The following TGFBRAP1 variants were observed in gnomAD, a reference collection of about 807,000 sequenced individuals.
TGFBRAP1 encodes the protein transforming growth factor beta receptor associated protein 1.
A neutral mutation model predicts 83.2 loss-of-function variants in TGFBRAP1; 20 were observed. That is an observed-to-expected ratio of 0.24 (90% CI 0.17 to 0.35). The LOEUF (loss-of-function observed/expected upper bound fraction) is 0.35. Ranked by LOEUF, TGFBRAP1 falls within the 10% of genes least tolerant of loss-of-function variation. The probability of loss-of-function intolerance (pLI) is 1.00; values close to 1 mark genes in which losing one functional copy is unlikely to be tolerated. For missense variants in TGFBRAP1, 950 were observed against 1,099.4 expected, an observed-to-expected ratio of 0.86 and a Z score of 1.92; for synonymous variants, 415 against 459.8, an observed-to-expected ratio of 0.90 and a Z score of 1.25.
chr2:105,299,447 A>G (rs1052709265), intron 2 of TGFBRAP1, among the ~76,000 whole-genome samples: 1 of 152,108 alleles, frequency 6.6e-6, no homozygotes, highest in African/African-American at 2.4e-5. Context: ...CATGCTCTAG[A>G]CAGCACAGCT....
chr2:105,304,299 G>A (rs1488216912), intron 2 of TGFBRAP1, among the ~76,000 whole-genome samples: 1 of 152,164 alleles, frequency 6.6e-6, no homozygotes, highest in African/African-American at 2.4e-5. Context: ...GATGCTAGGT[G>A]ATGTCTCTAC....
chr2:105,323,171 G>C (rs1247075681), intron 1 of TGFBRAP1, among the ~76,000 whole-genome samples: 1 of 152,168 alleles, frequency 6.6e-6, no homozygotes, highest in African/African-American at 2.4e-5. Flanking sequence ...ATGCATTGGA[G>C]GCCAGTTTTC....
intron 1 of TGFBRAP1, among the ~76,000 whole-genome samples, chr2:105,316,711 G>A (rs755045550): frequency 3.3e-5 from 5 of 151,928 alleles, no homozygotes; most frequent in Non-Finnish European, 5.9e-5. Flanking sequence ...CTTCTCAGAA[G>A]GCTGATGCAG....
chr2:105,319,152 C>T (rs1226250592), intron 1 of TGFBRAP1, among the ~76,000 whole-genome samples: 1 of 151,944 alleles, frequency 6.6e-6, no homozygotes, highest in Non-Finnish European at 1.5e-5. Flanking sequence ...CATCTGCCTC[C>T]TAGGTTCAAG....
In TGFBRAP1 at chr2:105,275,557, A is replaced by G. The variant is rs777772816; in HGVS notation, c.1665+3T>C. On this transcript the variant is annotated splice_donor_region_variant and intron_variant, in intron 8 of 11. Coordinates refer to ENST00000393359, the MANE Select transcript of TGFBRAP1 (RefSeq NM_004257.6). ...AGAGAATGCATTTTTACGAAGCACA[A>G]ACCTCTTCACTTTTCTGCAGGACCC... The G allele has an allele frequency of 6.2e-7, 1 of 1,613,696 alleles. No homozygotes were observed. Among genetic ancestry groups the G allele is most frequent in the South Asian group, 1.1e-5 (1 of 90,874 alleles).
At chr2:105,321,112 G>C (rs962796345) in intron 1 of TGFBRAP1, among the ~76,000 whole-genome samples, 3 of 151,976 alleles carry the variant, frequency 2.0e-5, no homozygotes, top group Non-Finnish European at 4.4e-5. Context: ...TTCTTTCTTT[G>C]CATCTTCCTA....
At chr2:105,283,992 A>G (rs939003751) in intron 5 of TGFBRAP1, among the ~76,000 whole-genome samples, 3 of 152,192 alleles carry the variant, frequency 2.0e-5, no homozygotes, top group African/African-American at 7.2e-5. Context: ...GCACTTTCCT[A>G]GGGGTCCTTT....
intron 10 of TGFBRAP1, among the ~76,000 whole-genome samples, chr2:105,272,535 C>T (rs1036998858): frequency 2.0e-5 from 3 of 152,106 alleles, no homozygotes; most frequent in East Asian, 1.9e-4. Context: ...TCTAGAGGCA[C>T]GAGAAGCCTT....
rs1676990299 is a variant in TGFBRAP1 at position 105,267,569 on chromosome 2, G to A, written c.2407-10C>T. 6.2e-7 allele frequency: 1 copy of A among 1,614,022 alleles called. No individual in the cohort carries two copies. On this transcript the variant is annotated splice_polypyrimidine_tract_variant and intron_variant, in intron 11 of 11. Transcript: ENST00000393359. ...TTCCTTTCAACTTCATCTGCAAGAA[G>A]AAACCAAGACTGAGAATGCTGTCAT... is the stretch of plus-strand genomic sequence containing the variant.
At chr2:105,279,924 G>GTTAC (rs201541184) in intron 6 of TGFBRAP1, among the ~76,000 whole-genome samples, 1,842 of 152,114 alleles carry the variant, frequency 0.012, 47 homozygotes, top group African/African-American at 0.043. Context: ...TGTAGTCCCA[G>GTTAC]TTACTTGGGA....
At chr2:105,284,901 C>T (rs1677662870) in intron 4 of TGFBRAP1, among the ~76,000 whole-genome samples, 1 of 152,208 alleles carries the variant, frequency 6.6e-6, no homozygotes, top group Non-Finnish European at 1.5e-5. Context: ...CATGAACACA[C>T]CAACATCCGA....
At chr2:105,301,511 C>T (rs1394265249) in intron 2 of TGFBRAP1, among the ~76,000 whole-genome samples, 3 of 149,536 alleles carry the variant, frequency 2.0e-5, no homozygotes, top group Admixed American at 6.7e-5. Flanking sequence ...CATTTGAACC[C>T]GGGAGGTGGA....
At chr2:105,312,973 G>A (rs972761703) in intron 1 of TGFBRAP1, among the ~76,000 whole-genome samples, 8 of 152,284 alleles carry the variant, frequency 5.3e-5, no homozygotes, top group Admixed American at 1.3e-4. Context: ...TTAGCCAGGC[G>A]TGATGGCACA....
At chr2:105,260,667 T>C (rs945617891), downstream of TGFBRAP1, among the ~76,000 whole-genome samples, 2 of 152,118 alleles carry the variant, frequency 1.3e-5, no homozygotes, top group Admixed American at 6.5e-5. Flanking sequence ...TGGAGATGCA[T>C]GGTGATGATG....
At chr2:105,252,470 C>T in the TGFBRAP1 span, among the ~76,000 whole-genome samples, 10 of 152,138 alleles carry the variant, frequency 6.6e-5, no homozygotes, top group Non-Finnish European at 1.5e-5. Context: ...TGGGGAGTGC[C>T]GGAATGCATT....
At chr2:105,314,480 G>C (rs1441509169) in intron 1 of TGFBRAP1, among the ~76,000 whole-genome samples, 2 of 151,544 alleles carry the variant, frequency 1.3e-5, no homozygotes, top group Admixed American at 6.6e-5. Context: ...TCGATCTCCT[G>C]ACCTCATGAT....
Position 105,267,513 on chromosome 2 carries a change from C to A in TGFBRAP1, c.2453G>T (p.Cys818Phe). Residue 818 changes from cysteine to phenylalanine, a missense_variant, in exon 12 of 12, where the codon TGT (cysteine) becomes TTT (phenylalanine). By Grantham distance (205) the Cys-to-Phe change is radical. Coordinates refer to ENST00000393359, the MANE Select transcript of TGFBRAP1 (RefSeq NM_004257.6). ...SSIQLSDKKL[C>F]QICQNPFCEP... ...ACAAAAGGGATTTTGGCATATCTGA[C>A]AAAGCTTTTTGTCTGAGAGTTGGAT... 1 of 1,614,172 alleles carries A rather than the reference C, an allele frequency of 6.2e-7. No individual in the cohort carries two copies. The highest frequency in any genetic ancestry group is 8.5e-7 in the Non-Finnish European group (1 of 1,180,038).
chr2:105,311,604 AG>A (rs1307622108), intron 1 of TGFBRAP1, among the ~76,000 whole-genome samples: 1 of 151,990 alleles, frequency 6.6e-6, no homozygotes, highest in Non-Finnish European at 1.5e-5. Flanking sequence ...AAAAGAAAAA[AG>A]AAAAAAAAAT....
chr2:105,253,299 A>AT, the TGFBRAP1 span, among the ~76,000 whole-genome samples: 2 of 151,580 alleles, frequency 1.3e-5, no homozygotes, highest in African/African-American at 4.9e-5. Flanking sequence ...CACCTGGCTA[A>AT]TTTTTTGTAT....
Sources: allele counts gnomAD v4.1 joint callset (sites outside exome capture counted in the v4.1 genomes callset), GRCh38; gene constraint gnomAD v4.1.1; transcripts MANE v1.5; gene names NCBI Gene and HGNC (gene_info 2026-07-23, HGNC 2026-07-21).